Variants in ERCC3 observed in about 807,000 individuals in gnomAD.
The protein encoded by ERCC3 is general transcription and DNA repair factor IIH helicase/translocase subunit XPB.
ERCC3 carries 66 observed loss-of-function variants against 94.2 expected under a neutral mutation model. The observed-to-expected ratio is 0.70, with a 90% confidence interval of 0.57 to 0.86. The LOEUF (loss-of-function observed/expected upper bound fraction) is 0.86, where lower values mean the gene tolerates loss of function less well. ERCC3 is among the 40% of genes least tolerant of loss of function. The pLI, the probability that ERCC3 is intolerant of heterozygous loss-of-function variation, is 0.00. For missense variants in ERCC3, 829 were observed against 987.1 expected (o/e 0.84, Z 2.15); for synonymous variants, 349 against 369.1 (o/e 0.95, Z 0.63).
chr2:127,261,715 T>G, intron 12 of ERCC3: 1 of 319,240 alleles, frequency 3.1e-6, no homozygotes, highest in South Asian at 2.8e-5. Context: ...AGTAAGCACA[T>G]GAAATGATGC....
At position 127,279,994 on chromosome 2, in the gene ERCC3, C is replaced by T. The variant is rs1376701491; in HGVS notation, c.1527+453G>A. On this transcript the variant is annotated intron_variant, in intron 9 of 14. Transcript: ENST00000285398. The surrounding 1 kb of genome is among the most constrained non-coding windows in gnomAD (Gnocchi z 4.7). ...CAATTCTTCCATTTAAGCCACACTTCCACACACGAGTCAGCACTGCTACTG... is the reference window on the plus strand; with the variant it reads ...CAATTCTTCCATTTAAGCCACACTTTCACACACGAGTCAGCACTGCTACTG... 6.6e-6 allele frequency among the ~76,000 whole-genome samples: 1 copy of T among 152,136 alleles called. No homozygotes were observed. Among genetic ancestry groups the T allele is most frequent in the Non-Finnish European group, 1.5e-5 (1 of 68,038 alleles).
chr2:127,271,499 A>C lies in ERCC3; in HGVS notation c.1828-46T>G. 7.9e-7 allele frequency: 1 copy of C among 1,267,996 alleles called. No individual in the cohort carries two copies. Among genetic ancestry groups the C allele is most frequent in the Non-Finnish European group, 1.2e-6 (1 of 866,114 alleles). 78.5% of individuals were successfully genotyped at this position (1,267,996 alleles called of 1,614,324 possible). ...GTTTTTATATATGAGGAAAAAAAAA[A>C]AGTCAACTGATCCAGAATTTAAATA... On this transcript the variant is annotated intron_variant, in intron 11 of 14. Transcript: ENST00000285398. The surrounding 1 kb of genome is among the most constrained non-coding windows in gnomAD (Gnocchi z 5.0).
chr2:127,271,282 A>T lies in ERCC3; in HGVS notation c.1945+54T>A, dbSNP rs1023202167. On this transcript the variant is annotated intron_variant, in intron 12 of 14. Coordinates refer to ENST00000285398, the MANE Select transcript of ERCC3 (RefSeq NM_000122.2). This position sits in a 1 kb window ranked among gnomAD's most constrained non-coding sequence, Gnocchi z 5.0. ...TCTCACCCCTATCGTCTTCCTAACT[A>T]AAGTGGTTTAAGAGGAGTGACCTCC... is the stretch of plus-strand genomic sequence containing the variant. The T allele has an allele frequency of 1.6e-6, 2 of 1,224,862 alleles. No homozygotes were observed. Among genetic ancestry groups the T allele is most frequent in the African/African-American group, 1.5e-5 (1 of 67,444 alleles). The allele number at this position is 1,224,862 out of a possible 1,614,324, so 75.9% of individuals were successfully genotyped here. A position where few individuals can be genotyped will look rare whatever the true frequency, so the allele number is the denominator to read the frequency against.
In ERCC3 at chr2:127,284,323, T is replaced by C. The variant is rs963234341; in HGVS notation, c.1342+2380A>G. ...ACAAGCCAAAGTTCTTGTCGTGGCC[T>C]ACAAGGTCCTACAAGACCTGCCCCA... On this transcript the variant is annotated intron_variant, in intron 8 of 14. Coordinates refer to ENST00000285398, the MANE Select transcript of ERCC3 (RefSeq NM_000122.2). This position sits in a 1 kb window ranked among gnomAD's most constrained non-coding sequence, Gnocchi z 4.1. 5 of 152,352 alleles carry C rather than the reference T, an allele frequency of 3.3e-5. No homozygotes were observed. Among genetic ancestry groups the C allele is most frequent in the Non-Finnish European group, 7.3e-5 (5 of 68,132 alleles). The allele number at this position is 152,352 out of a possible 1,614,324, so 9.4% of individuals were successfully genotyped here.
Position 127,292,692 on chromosome 2 carries a change from C to G in ERCC3, c.389G>C (p.Gly130Ala), listed in dbSNP as rs1211945316. Residue 130 changes from glycine (G) to alanine (A), a missense_variant, in exon 3 of 15, where the codon GGG becomes GCG. Transcript: ENST00000285398. ...CTCGGTGATGTCACTGGTTTGCAGC[C>G]CAACGCTGACAGCTGCATACAAGGA... ...AYSLYAAVSVGLQTSDITEYL... is the reference protein window; with the variant it reads ...AYSLYAAVSVALQTSDITEYL... The G allele has an allele frequency of 6.2e-7, 1 of 1,614,076 alleles. No homozygotes were observed. The highest frequency in any genetic ancestry group is 8.5e-7 in the Non-Finnish European group (1 of 1,179,992).
In ERCC3 at chr2:127,274,083, G is replaced by A. The variant is rs1331118741; in HGVS notation, c.1731-1122C>T. Among the ~76,000 whole-genome samples the A allele has an allele frequency of 6.6e-6, 1 of 151,852 alleles. No homozygotes were observed. The highest frequency in any genetic ancestry group is 1.5e-5 in the Non-Finnish European group (1 of 67,982). ...AATCCCAGCACTTTGGGAGGCGGAG[G>A]TGGGTGGATCACCTGAGGCCAGGAG... On this transcript the variant is annotated intron_variant, in intron 10 of 14. Transcript: ENST00000285398. The surrounding 1 kb of genome is among the most constrained non-coding windows in gnomAD (Gnocchi z 4.0).
chr2:127,278,878 C>G (rs1368793772), intron 10 of ERCC3, among the ~76,000 whole-genome samples: 3 of 152,176 alleles, frequency 2.0e-5, no homozygotes, highest in Non-Finnish European at 2.9e-5. Flanking sequence ...CAACTCCCAC[C>G]CACCTTTGGA....
intron 5 of ERCC3, 59 bp downstream of exon 5, chr2:127,289,630 A>G: frequency 6.2e-7 from 1 of 1,610,498 alleles, no homozygotes; most frequent in Non-Finnish European, 8.5e-7. Context: ...AAGACACCTG[A>G]GAGAACTGAA....
rs1019251276 is a variant in ERCC3 at position 127,264,656 on chromosome 2, TAC to T, written c.1946-3312_1946-3311del. 6.6e-6 allele frequency among the ~76,000 whole-genome samples: 1 copy of T among 152,226 alleles called. No individual in the cohort carries two copies. Among genetic ancestry groups the T allele is most frequent in the Non-Finnish European group, 1.5e-5 (1 of 68,040 alleles). ...TGGATTTGCTTTGTCCTCATTTTGT[TAC>T]AGATTTTTGCGTCTGTGTTCATCAG... On this transcript the variant is annotated intron_variant, in intron 12 of 14. Transcript: ENST00000285398. This position sits in a 1 kb window ranked among gnomAD's most constrained non-coding sequence, Gnocchi z 4.4.
chr2:127,283,614 G>A (rs1684984388), intron 8 of ERCC3, among the ~76,000 whole-genome samples: 1 of 152,132 alleles, frequency 6.6e-6, no homozygotes, highest in Non-Finnish European at 1.5e-5. Context: ...TGGGTCATGT[G>A]GTAATTTCAT....
rs1684890181 is a variant in ERCC3, at chr2:127,280,972, C to A, written c.1343-341G>T. The A allele has an allele frequency of 2.1e-6, 1 of 466,866 alleles. No homozygotes were observed. The highest frequency in any genetic ancestry group is 3.7e-5 in the Admixed American group (1 of 27,000). 28.9% of individuals were successfully genotyped at this position (466,866 alleles called of 1,614,324 possible). On this transcript the variant is annotated intron_variant, in intron 8 of 14. Transcript: ENST00000285398. The surrounding 1 kb of genome is among the most constrained non-coding windows in gnomAD (Gnocchi z 6.3). The stretch of plus-strand genomic sequence containing the variant: ...CAAATGCTTCACCATCACTTTTAGA[C>A]CTGTCCAAAAGAAAATGAAAAGGAG...
chr2:127,268,375 C>T (rs1200676722), intron 12 of ERCC3, among the ~76,000 whole-genome samples: 2 of 152,184 alleles, frequency 1.3e-5, no homozygotes, highest in Non-Finnish European at 2.9e-5. Flanking sequence ...TCTCTTGCCT[C>T]AGCCTCCGGA....
In ERCC3 at chr2:127,258,503, C is replaced by T. The variant is rs919599019; in HGVS notation, c.2218-776G>A. 6.6e-6 allele frequency among the ~76,000 whole-genome samples: 1 copy of T among 152,150 alleles called. No homozygotes were observed. The highest frequency in any genetic ancestry group is 2.4e-5 in the African/African-American group (1 of 41,454). ...AAAACCAGTGAGAGCAATGAGAGCA[C>T]TCTCCTGGGTTCCCATGGAGAGTGC... On this transcript the variant is annotated intron_variant, in intron 14 of 14. Coordinates refer to ENST00000285398, the MANE Select transcript of ERCC3 (RefSeq NM_000122.2). This position sits in a 1 kb window ranked among gnomAD's most constrained non-coding sequence, Gnocchi z 4.1.
intron 12 of ERCC3, among the ~76,000 whole-genome samples, chr2:127,266,709 ATTTTTTTT>A (rs960627621): frequency 8.0e-5 from 7 of 87,334 alleles, no homozygotes; most frequent in Admixed American, 1.4e-4. Flanking sequence ...ATGATCAATT[ATTTTTTTT>A]TTTTTTTTTT....
In ERCC3 at chr2:127,261,050, C is replaced by T. The variant is rs1226428861; in HGVS notation, c.2064+178G>A. 3 of 650,950 alleles carry T rather than the reference C, an allele frequency of 4.6e-6. No homozygotes were observed. The African/African-American group carries it at 5.4e-5, about 12-fold the overall frequency. The allele number at this position is 650,950 out of a possible 1,614,324, so 40.3% of individuals were successfully genotyped here. On this transcript the variant is annotated intron_variant, in intron 13 of 14. Transcript: ENST00000285398. ...ACCTCAGTCCTGCCAGGACGGCACA[C>T]TTTCCACCAACAGCTGCCCTCAGAG...
At chr2:127,263,543 T>C (rs185080026) in intron 12 of ERCC3, among the ~76,000 whole-genome samples, 17 of 152,314 alleles carry the variant, frequency 1.1e-4, no homozygotes, top group Admixed American at 9.2e-4. Flanking sequence ...TAGGGTTTTC[T>C]AGGTATAGAA....
At chr2:127,290,134 A>C (rs902909714) in intron 4 of ERCC3, 90 bp downstream of exon 4, 1 of 1,063,154 alleles carries the variant, frequency 9.4e-7, no homozygotes, top group African/African-American at 1.5e-5. Flanking sequence ...AAGACAGCAT[A>C]AACATCAGGT....
Position 127,288,648 on chromosome 2 carries a change from G to A in ERCC3, c.1027+12C>T, listed in dbSNP as rs1210045727. ...ACAGCCTGACCACCTTCTTAACTCT[G>A]GTACCACTTACCGCAGGGAAGAACA... On this transcript the variant is annotated intron_variant, in intron 7 of 14. Transcript: ENST00000285398. The A allele has an allele frequency of 1.4e-5, 22 of 1,611,492 alleles. No homozygotes were observed. Among genetic ancestry groups the A allele is most frequent in the Non-Finnish European group, 1.8e-5 (21 of 1,177,766 alleles).
At position 127,261,309 on chromosome 2, in the gene ERCC3, T is replaced by C; in HGVS notation, c.1983A>G (p.Ser661=). 6.2e-7 allele frequency: 1 copy of C among 1,613,090 alleles called. No homozygotes were observed. Among genetic ancestry groups the C allele is most frequent in the South Asian group, 1.1e-5 (1 of 91,064 alleles). The part of the protein sequence containing the change: ...VAEEYNAFFY[S]LVSQDTQEMA... ...TTTCCTGTGTGTCCTGGGATACCAG[T>C]GAGTAGAAAAAGGCATTGTACTCTT... Residue 661 remains serine, a synonymous_variant, in exon 13 of 15, where the codon TCA becomes TCG. Transcript: ENST00000285398.
Sources: allele counts gnomAD v4.1 joint callset (sites outside exome capture counted in the v4.1 genomes callset), GRCh38; gene constraint gnomAD v4.1.1; non-coding constraint Gnocchi (gnomAD v3.1); transcripts MANE v1.5; gene names NCBI Gene and HGNC (gene_info 2026-07-23, HGNC 2026-07-21).